The following MTA2 variants were observed in gnomAD, a reference collection of about 807,000 sequenced individuals.
MTA2 encodes the protein metastasis associated 1 family member 2.
A neutral mutation model predicts 87.1 loss-of-function variants in MTA2; 22 were observed. That is an observed-to-expected ratio of 0.25 (90% confidence interval 0.18 to 0.36). The LOEUF (loss-of-function observed/expected upper bound fraction) is 0.36. Among genes scored for constraint, MTA2 ranks in the 10% least tolerant of loss-of-function variants. The pLI is 1.00. For synonymous variants in MTA2, 314 were observed against 310.1 expected (o/e 1.01, Z -0.13); for missense variants, 542 against 853.2 (o/e 0.64, Z 4.54).
intron 15 of MTA2, 97 bp from the exon 16 acceptor site, chr11:62,594,731 A>G (rs1352200358): frequency 8.4e-7 from 1 of 1,187,424 alleles, no homozygotes; most frequent in East Asian, 2.3e-5. Flanking sequence ...TTACCTGGGC[A>G]TCCCCAAAAG....
In MTA2 at chr11:62,595,880, C is replaced by A. The variant is rs747413313; in HGVS notation, c.1126G>T (p.Ala376Ser). ...GGTGGGCCCCAGGCATACCACTGAG[C>A]AGACTGTGTGGCTGTAGAGTACGGA... ...TCESCHTTQS[A>S]QWYAWGPPNM... Residue 376 changes from alanine (A) to serine (S), a missense_variant, in exon 13 of 18, where the codon GCT becomes TCT. Ala to Ser is a moderately conservative substitution (Grantham distance 99). Coordinates refer to ENST00000278823, the MANE Select transcript of MTA2 (RefSeq NM_004739.4). This position sits in a 1 kb window ranked among gnomAD's most constrained non-coding sequence, Gnocchi z 4.9. The A allele has an allele frequency of 1.2e-6, 2 of 1,614,136 alleles. No homozygotes were observed. The highest frequency in any genetic ancestry group is 1.3e-5 in the African/African-American group (1 of 75,032).
Position 62,594,303 on chromosome 11 carries a change from A to T in MTA2, c.1797T>A (p.Ala599=). Residue 599 remains alanine (A), a synonymous_variant, in exon 17 of 18, where the codon GCT becomes GCA. Coordinates refer to ENST00000278823, the MANE Select transcript of MTA2 (RefSeq NM_004739.4). ...PAAKRQKLNP[A]DAPNPVVFVA... is the part of the protein sequence containing the mutation. ...CAAACACCACAGGATTGGGGGCATC[A>T]GCTGGGTTTAGTTTCTGACGCTTGG... The T allele has an allele frequency of 1.2e-6, 2 of 1,614,206 alleles. No individual in the cohort carries two copies. Among genetic ancestry groups the T allele is most frequent in the Non-Finnish European group, 1.7e-6 (2 of 1,180,038 alleles).
intron 1 of MTA2, 146 bp downstream of exon 1, chr11:62,601,272 TCTCTC>T (rs1190036703): frequency 6.1e-6 from 6 of 984,702 alleles, no homozygotes; most frequent in Non-Finnish European, 7.5e-6. Context: ...CCCCGCACCC[TCTCTC>T]CTCGTCTCCC....
Position 62,598,347 on chromosome 11 carries a change from T to A in MTA2, c.352A>T (p.Ser118Cys). The change falls in exon 5 of 18, where the codon AGC (serine) becomes TGC (cysteine). Residue 118 changes from serine to cysteine, a missense_variant. By Grantham distance (112) the Ser-to-Cys change is moderately radical (BLOSUM62 -1). Transcript: ENST00000278823. ...VTLLNETDIL[S>C]QYLEKEDCFF... ...CTCACCTCCTTTTCCAGGTACTGGC[T>A]CAAGATATCTGTCTCATTCAAGAGG... 1 of 1,614,112 alleles carries A rather than the reference T, an allele frequency of 6.2e-7. No individual in the cohort carries two copies. The highest frequency in any genetic ancestry group is 8.5e-7 in the Non-Finnish European group (1 of 1,180,012).
chr11:62,600,981 G>C, intron 1 of MTA2: 1 of 488,842 alleles, frequency 2.0e-6, no homozygotes, highest in Non-Finnish European at 3.6e-6. Flanking sequence ...TTGCACCCCA[G>C]TCGCGGCGAA....
intron 1 of MTA2, 24 bp downstream of exon 1, chr11:62,601,399 C>T (rs200215726): frequency 7.5e-6 from 12 of 1,609,536 alleles, no homozygotes; most frequent in East Asian, 2.2e-5. Context: ...CCCCGGGCCC[C>T]GTATCCCTGC....
chr11:62,601,253 G>C, intron 1 of MTA2, 170 bp downstream of exon 1: 2 of 826,644 alleles, frequency 2.4e-6, no homozygotes, highest in Non-Finnish European at 1.9e-6. Flanking sequence ...GCCCTGCCGC[G>C]TCGCGGTTCC....
In MTA2 at chr11:62,596,961, G is replaced by A. The variant is rs112235480; in HGVS notation, c.694-136C>T. The A allele has an allele frequency of 4.6e-5, 37 of 808,326 alleles. 1 individual carries two copies. The highest frequency in any genetic ancestry group is 1.6e-4 in the African/African-American group (9 of 57,498). 50.1% of individuals were successfully genotyped at this position (808,326 alleles called of 1,614,324 possible). Reference sequence around the variant, plus strand: ...TCCCAGCACTTTGGGAAGCGGAGGCGGGCAGATCACGAGGTCAGGAGATCG... The same window carrying A: ...TCCCAGCACTTTGGGAAGCGGAGGCAGGCAGATCACGAGGTCAGGAGATCG... On this transcript the variant is annotated intron_variant, in intron 8 of 17. Coordinates refer to ENST00000278823, the MANE Select transcript of MTA2 (RefSeq NM_004739.4).
Position 62,595,169 on chromosome 11 carries a change from A to C in MTA2, c.1483+95T>G. 1.3e-6 allele frequency: 2 copies of C among 1,540,194 alleles called. No individual in the cohort carries two copies. Among genetic ancestry groups the C allele is most frequent in the Non-Finnish European group, 1.8e-6 (2 of 1,119,380 alleles). ...ATCTTAAAAAAATTATCTGTGGCCTACTATCCCTCCTGTTATTAGACATCC... is the reference window on the plus strand; with the variant it reads ...ATCTTAAAAAAATTATCTGTGGCCTCCTATCCCTCCTGTTATTAGACATCC... On this transcript the variant is annotated intron_variant, in intron 14 of 17. Coordinates refer to ENST00000278823, the MANE Select transcript of MTA2 (RefSeq NM_004739.4). This position sits in a 1 kb window ranked among gnomAD's most constrained non-coding sequence, Gnocchi z 4.9.
intron 1 of MTA2, 157 bp downstream of exon 1, chr11:62,601,266 G>T (rs908746650): frequency 9.6e-6 from 9 of 939,648 alleles, no homozygotes; most frequent in African/African-American, 1.7e-5. Flanking sequence ...GCGGTTCCCC[G>T]CACCCTCTCT....
Position 62,601,678 on chromosome 11 carries a change from G to A in MTA2, c.-228C>T, listed in dbSNP as rs367771021. ...TCCCGGGACGCTGAGGCTGGCCCCC[G>A]TCCGCTCGGCTTCTTCCGGAACGAG... On this transcript the variant is annotated 5_prime_UTR_variant, in exon 1 of 18. In the 5' UTR this introduces an upstream ATG that the reference lacks. Transcript: ENST00000278823. 15 of 539,756 alleles carry A rather than the reference G, an allele frequency of 2.8e-5. No individual in the cohort carries two copies. Among genetic ancestry groups the A allele is most frequent in the African/African-American group, 2.6e-4 (13 of 49,530 alleles). 33.4% of individuals were successfully genotyped at this position (539,756 alleles called of 1,614,324 possible).
chr11:62,596,590 C>G (rs1942102085), intron 9 of MTA2, 47 bp downstream of exon 9: 1 of 1,612,126 alleles, frequency 6.2e-7, no homozygotes, highest in Non-Finnish European at 8.5e-7. Flanking sequence ...TCCTGGTTCC[C>G]TCACCTGTCA....
Position 62,598,623 on chromosome 11 carries a change from T to G in MTA2, c.207A>C (p.Glu69Asp). The G allele has an allele frequency of 1.2e-6, 2 of 1,614,012 alleles. No individual in the cohort carries two copies. Residue 69 changes from glutamate to aspartate, a missense_variant, in exon 4 of 18, where the codon GAA (glutamate) becomes GAC (aspartate). By Grantham distance (45) the Glu-to-Asp change is conservative. Transcript: ENST00000278823. ...GCTCAGACACCCCTGGCTGCTTTGA[T>G]TCCTCTTCAAACTCCCCTGGGAGAT... is the stretch of plus-strand genomic sequence containing the variant. ...ADSNAREFEE[E>D]SKQPGVSEQQ...
At chr11:62,598,719 A>G (rs574890140) in intron 3 of MTA2, 80 bp from the exon 4 acceptor site, 3 of 1,273,090 alleles carry the variant, frequency 2.4e-6, no homozygotes, top group Admixed American at 1.9e-5. Flanking sequence ...CTCAGGGAAA[A>G]TATTTCCTAT....
chr11:62,600,098 T>C (rs773448407), intron 3 of MTA2, 68 bp downstream of exon 3: 8 of 1,438,010 alleles, frequency 5.6e-6, no homozygotes, highest in Non-Finnish European at 7.8e-6. Flanking sequence ...CCAGGGGAAA[T>C]ACCTGCAGGG....
chr11:62,595,039 A>G lies in MTA2; in HGVS notation c.1515T>C (p.Thr505=). The G allele has an allele frequency of 6.2e-7, 1 of 1,614,148 alleles. No homozygotes were observed. The highest frequency in any genetic ancestry group is 1.7e-4 in the Middle Eastern group (1 of 6,056). Residue 505 remains threonine, a synonymous_variant, in exon 15 of 18, where the codon ACT becomes ACC. Coordinates refer to ENST00000278823, the MANE Select transcript of MTA2 (RefSeq NM_004739.4). This position sits in a 1 kb window ranked among gnomAD's most constrained non-coding sequence, Gnocchi z 4.9. The part of the protein sequence containing the change: ...CSIRLPKAAK[T]PLKIHPLVRL... ...GCACCAGAGGGTGAATCTTCAATGG[A>G]GTCTTGGCGGCCTTAGGAAGTCGAA...
chr11:62,601,133 C>T (rs1942186520), intron 1 of MTA2: 1 of 539,210 alleles, frequency 1.9e-6, no homozygotes, highest in African/African-American at 2.0e-5. Flanking sequence ...CCTACCCTGT[C>T]AGCTCCTTCG....
At chr11:62,594,879 T>A (rs888330812) in intron 15 of MTA2, 102 bp downstream of exon 15, 1 of 1,097,468 alleles carries the variant, frequency 9.1e-7, no homozygotes, top group Non-Finnish European at 1.3e-6. Flanking sequence ...TTAGACTAAA[T>A]CTCTGAGGAC....
intron 8 of MTA2, among the ~76,000 whole-genome samples, 165 bp from the exon 9 acceptor site, chr11:62,596,990 T>A (rs1050911129): frequency 2.0e-5 from 3 of 152,054 alleles, no homozygotes; most frequent in Non-Finnish European, 4.4e-5. Flanking sequence ...GAGATCGAGA[T>A]CATCCTGGCT....
Sources: allele counts gnomAD v4.1 joint callset (sites outside exome capture counted in the v4.1 genomes callset), GRCh38; gene constraint gnomAD v4.1.1; non-coding constraint Gnocchi (gnomAD v3.1); transcripts MANE v1.5; gene names NCBI Gene and HGNC (gene_info 2026-07-23, HGNC 2026-07-21).